The following CMSS1 variants were observed in gnomAD, a reference collection of about 807,000 sequenced individuals.
CMSS1 encodes the protein protein CMSS1.
Under a neutral mutation model 43.5 loss-of-function variants are expected in CMSS1, and 33 were observed. The observed-to-expected ratio is 0.76, with a 90% confidence interval of 0.57 to 1.01. The LOEUF (loss-of-function observed/expected upper bound fraction) is 1.01. CMSS1 is among the 50% of genes least tolerant of loss of function. The pLI, the probability that CMSS1 is intolerant of heterozygous loss-of-function variation, is 0.00. For synonymous variants in CMSS1, 115 were observed against 117.2 expected (o/e 0.98, Z 0.12); for missense variants, 313 against 326.4 (o/e 0.96, Z 0.32).
chr3:100,136,827 C>T (rs2066760136), intron 1 of CMSS1, among the ~76,000 whole-genome samples: 1 of 152,232 alleles, frequency 6.6e-6, no homozygotes, highest in Non-Finnish European at 1.5e-5. Flanking sequence ...CCCTTCTTTT[C>T]TAGTCATAGC....
At chr3:99,918,633 T>C (rs1395017950) in intron 1 of CMSS1, among the ~76,000 whole-genome samples, 5 of 152,176 alleles carry the variant, frequency 3.3e-5, no homozygotes, top group Non-Finnish European at 7.3e-5. Context: ...TTTAAGAGTA[T>C]GGTTTTATGA....
intron 1 of CMSS1, chr3:100,011,880 G>A (rs1304861575): frequency 6.6e-6 from 1 of 152,106 alleles, no homozygotes; most frequent in African/African-American, 2.4e-5. Flanking sequence ...TCAAGTTTTA[G>A]TATTATAATA....
In CMSS1 at chr3:100,132,085, T is replaced by A. The variant is rs113082368; in HGVS notation, c.65-14888T>A. On this transcript the variant is annotated intron_variant, in intron 1 of 9. Transcript: ENST00000421999. ...TAAAACATCTGTAAATCGAAAGTCA[T>A]AAAAATTAAAAGATTAGGCAGCATT... 9.5e-4 allele frequency among the ~76,000 whole-genome samples: 145 copies of A among 152,306 alleles called. 1 individual carries two copies. Among genetic ancestry groups the A allele is most frequent in the African/African-American group, 3.3e-3 (136 of 41,564 alleles).
chr3:99,958,252 T>TTA (rs1418371383), intron 1 of CMSS1, among the ~76,000 whole-genome samples: 2 of 140,654 alleles, frequency 1.4e-5, no homozygotes, highest in African/African-American at 5.3e-5. Context: ...TATTATTATT[T>TTA]GAAGGTAACA....
At chr3:100,108,619 T>G (rs2066433448) in intron 1 of CMSS1, among the ~76,000 whole-genome samples, 1 of 152,194 alleles carries the variant, frequency 6.6e-6, no homozygotes, top group Admixed American at 6.5e-5. Context: ...TGTATTCTAG[T>G]GGTTGGGCAT....
chr3:99,983,129 A>G (rs1203369612), intron 1 of CMSS1, among the ~76,000 whole-genome samples: 2 of 152,006 alleles, frequency 1.3e-5, no homozygotes, highest in Admixed American at 6.6e-5. Context: ...TACAGCTATT[A>G]TCTCACTTGC....
rs79931054 is a variant in CMSS1 at position 100,105,100 on chromosome 3, G to A, written c.65-41873G>A. On this transcript the variant is annotated intron_variant, in intron 1 of 9. Coordinates refer to ENST00000421999, the MANE Select transcript of CMSS1 (RefSeq NM_032359.4). ...TGTTCTCTTAGCCTAGTCTTGGAAA[G>A]GGTGTTCACAAGTAAGCATTGTTTA... is the stretch of plus-strand genomic sequence containing the variant. Among the ~76,000 whole-genome samples the A allele has an allele frequency of 6.2e-3, 937 of 152,248 alleles. 6 individuals are homozygous for A. The highest frequency in any genetic ancestry group is 0.018 in the African/African-American group (742 of 41,556).
chr3:100,024,570 A>G (rs1470216157), intron 1 of CMSS1, among the ~76,000 whole-genome samples: 2 of 152,182 alleles, frequency 1.3e-5, no homozygotes, highest in African/African-American at 4.8e-5. Flanking sequence ...ACCAGTTTAC[A>G]TCATATTAAA....
At chr3:99,935,134 G>T (rs1707619965) in intron 1 of CMSS1, among the ~76,000 whole-genome samples, 2 of 152,076 alleles carry the variant, frequency 1.3e-5, no homozygotes, top group South Asian at 4.1e-4. Context: ...ATACTCTCAT[G>T]CTTTGTATTA....
intron 1 of CMSS1, among the ~76,000 whole-genome samples, chr3:99,869,847 G>A (rs1237358842): frequency 6.6e-6 from 1 of 152,166 alleles, no homozygotes; most frequent in Admixed American, 6.5e-5. Flanking sequence ...TGGGCCATGA[G>A]ACACAATAAA....
intron 1 of CMSS1, among the ~76,000 whole-genome samples, chr3:100,030,282 G>A (rs1187211804): frequency 6.6e-6 from 1 of 152,122 alleles, no homozygotes; most frequent in Non-Finnish European, 1.5e-5. Flanking sequence ...GCTTGGATGA[G>A]AAAGGGATCT....
intron 1 of CMSS1, among the ~76,000 whole-genome samples, chr3:99,994,733 C>A (rs990883681): frequency 3.4e-4 from 52 of 152,158 alleles, no homozygotes; most frequent in African/African-American, 1.2e-3. Flanking sequence ...GCCTCAGAAT[C>A]ATGGTGGGAG....
chr3:99,960,146 C>T (rs1361606023), intron 1 of CMSS1, among the ~76,000 whole-genome samples: 2 of 152,172 alleles, frequency 1.3e-5, no homozygotes, highest in Non-Finnish European at 2.9e-5. Flanking sequence ...AGCTCACAAC[C>T]TGCCAAGTAC....
intron 1 of CMSS1, among the ~76,000 whole-genome samples, chr3:100,085,540 CTT>C (rs1230511559): frequency 6.6e-6 from 1 of 152,194 alleles, no homozygotes; most frequent in East Asian, 1.9e-4. Flanking sequence ...TTCTTCCTCT[CTT>C]ATCAACCAAG....
intron 1 of CMSS1, among the ~76,000 whole-genome samples, chr3:99,820,427 C>T (rs1942413502): frequency 6.6e-6 from 1 of 151,944 alleles, no homozygotes; most frequent in East Asian, 1.9e-4. Flanking sequence ...GAGCTCCTGA[C>T]CTGAAGTGAT....
intron 1 of CMSS1, among the ~76,000 whole-genome samples, chr3:100,127,256 C>T (rs554264411): frequency 4.5e-4 from 68 of 152,306 alleles, no homozygotes; most frequent in African/African-American, 1.5e-3. Flanking sequence ...TGAGGCAATT[C>T]TCCATTGCCA....
At chr3:99,821,836 A>G (rs1452577155) in intron 1 of CMSS1, among the ~76,000 whole-genome samples, 6 of 152,178 alleles carry the variant, frequency 3.9e-5, no homozygotes, top group African/African-American at 1.4e-4. Context: ...ACCTGAGTCC[A>G]GGAGTTTGAG....
intron 1 of CMSS1, among the ~76,000 whole-genome samples, chr3:100,062,996 C>G (rs1439749051): frequency 6.6e-6 from 1 of 152,186 alleles, no homozygotes; most frequent in African/African-American, 2.4e-5. Context: ...CCTTTTGACA[C>G]ATAAAGGCAA....
intron 1 of CMSS1, among the ~76,000 whole-genome samples, chr3:100,100,088 G>A (rs761013768): frequency 8.5e-5 from 13 of 152,306 alleles, no homozygotes; most frequent in South Asian, 6.2e-4. Context: ...GGCATGAGCC[G>A]TGAGAGCAGA....
Sources: gnomAD v4.1 joint callset for allele counts (sites outside exome capture counted in the v4.1 genomes callset) on GRCh38, gnomAD v4.1.1 for gene constraint, MANE v1.5 for transcripts, NCBI Gene and HGNC (gene_info 2026-07-23, HGNC 2026-07-21) for gene names.